The following STAU2 variants were observed in gnomAD, a reference collection of about 807,000 sequenced individuals.
STAU2 encodes staufen double-stranded RNA binding protein 2, also known as double-stranded RNA-binding protein Staufen homolog 2.
Under a neutral mutation model 65.9 loss-of-function variants are expected in STAU2, and 20 were observed. That is an observed-to-expected ratio of 0.30 (90% confidence interval 0.21 to 0.44). The LOEUF is 0.44. Ranked by LOEUF, STAU2 falls within the 20% of genes least tolerant of loss-of-function variation. The pLI is 1.00. For synonymous variants in STAU2, 232 were observed against 233.9 expected, an observed-to-expected ratio of 0.99 and a Z score of 0.07; for missense variants, 558 against 683.9, an observed-to-expected ratio of 0.82 and a Z score of 2.05.
intron 13 of STAU2, among the ~76,000 whole-genome samples, chr8:73,489,685 C>G (rs1176246585): frequency 6.6e-6 from 1 of 152,040 alleles, no homozygotes; most frequent in African/African-American, 2.4e-5. Context: ...ACCATTTGCT[C>G]TAAAGCAGCT....
chr8:73,582,881 AAG>A, intron 11 of STAU2, 51 bp from the exon 12 acceptor site: 1 of 1,560,008 alleles, frequency 6.4e-7, no homozygotes, highest in South Asian at 1.2e-5. Flanking sequence ...CTTATTCAAA[AAG>A]AAAAAAAAAA....
At chr8:73,544,058 A>G (rs1260273145) in intron 13 of STAU2, among the ~76,000 whole-genome samples, 1 of 152,206 alleles carries the variant, frequency 6.6e-6, no homozygotes, top group Admixed American at 6.5e-5. Flanking sequence ...TTGCCTAAAC[A>G]TCTCACACTC....
intron 4 of STAU2, among the ~76,000 whole-genome samples, chr8:73,705,021 A>G (rs1280593449): frequency 6.6e-6 from 1 of 152,154 alleles, no homozygotes; most frequent in Non-Finnish European, 1.5e-5. Context: ...CATGATATGC[A>G]CCTTATTTAT....
intron 13 of STAU2, among the ~76,000 whole-genome samples, chr8:73,513,185 TTTC>T (rs1323047613): frequency 2.0e-5 from 3 of 152,206 alleles, no homozygotes; most frequent in Non-Finnish European, 4.4e-5. Context: ...TTGCTGTGGT[TTTC>T]TTTTTTTGTT....
intron 1 of STAU2, among the ~76,000 whole-genome samples, chr8:73,741,261 C>T (rs1180285067): frequency 7.2e-6 from 1 of 139,492 alleles, no homozygotes; most frequent in South Asian, 2.4e-4. Flanking sequence ...GCCAAGATCG[C>T]GCCACTGCAC....
intron 13 of STAU2, among the ~76,000 whole-genome samples, chr8:73,501,974 T>C (rs1000916688): frequency 1.3e-5 from 2 of 151,950 alleles, no homozygotes; most frequent in African/African-American, 4.8e-5. Flanking sequence ...GGAGTGTGTG[T>C]GCAGAACTAG....
intron 3 of STAU2, among the ~76,000 whole-genome samples, chr8:73,728,355 T>G (rs1394850310): frequency 6.6e-6 from 1 of 151,938 alleles, no homozygotes. Flanking sequence ...GTTTCTTAAT[T>G]GGGAAATATG....
chr8:73,490,206 A>G (rs570195160), intron 13 of STAU2, among the ~76,000 whole-genome samples: 17 of 152,168 alleles, frequency 1.1e-4, no homozygotes, highest in African/African-American at 3.8e-4. Flanking sequence ...GGAGCTTCGC[A>G]TAAGATTTCA....
At chr8:73,575,250 C>G (rs1332203664) in intron 12 of STAU2, among the ~76,000 whole-genome samples, 2 of 152,018 alleles carry the variant, frequency 1.3e-5, no homozygotes, top group Non-Finnish European at 2.9e-5. Flanking sequence ...AATACATAGT[C>G]TCATTCTTAA....
chr8:73,646,938 G>GAC (rs142043134), intron 6 of STAU2, among the ~76,000 whole-genome samples: 64,142 of 143,894 alleles, frequency 0.45, 15,158 homozygotes, highest in Non-Finnish European at 0.56. Flanking sequence ...CACACAGCCA[G>GAC]ACACACACAC....
intron 3 of STAU2, among the ~76,000 whole-genome samples, chr8:73,717,060 C>T (rs891721158): frequency 3.3e-5 from 5 of 152,090 alleles, no homozygotes; most frequent in African/African-American, 1.2e-4. Context: ...CAAGAAGGTA[C>T]CACTGCACTC....
intron 9 of STAU2, among the ~76,000 whole-genome samples, chr8:73,607,019 G>T (rs933708056): frequency 1.3e-5 from 2 of 152,116 alleles, no homozygotes; most frequent in African/African-American, 4.8e-5. Flanking sequence ...TTACAAAGGG[G>T]CATAAGGAAA....
At chr8:73,622,636 T>C (rs144766260) in intron 6 of STAU2, among the ~76,000 whole-genome samples, 7 of 152,344 alleles carry the variant, frequency 4.6e-5, no homozygotes, top group Admixed American at 2.6e-4. Context: ...TTTTTGTTTA[T>C]TAAATTGTCT....
At chr8:73,578,277 C>T (rs1586047214) in intron 12 of STAU2, among the ~76,000 whole-genome samples, 1 of 152,132 alleles carries the variant, frequency 6.6e-6, no homozygotes, top group African/African-American at 2.4e-5. Context: ...TAAAAACTTA[C>T]TCTCTAATTT....
chr8:73,533,172 TG>T (rs1409596892), intron 13 of STAU2, among the ~76,000 whole-genome samples: 1 of 152,214 alleles, frequency 6.6e-6, no homozygotes, highest in Non-Finnish European at 1.5e-5. Flanking sequence ...TTGCTGCCTT[TG>T]GTACTCTAAA....
At chr8:73,464,600 G>GCGCA (rs1554593348) in intron 13 of STAU2, among the ~76,000 whole-genome samples, 11 of 101,886 alleles carry the variant, frequency 1.1e-4, no homozygotes, top group Non-Finnish European at 1.9e-4. Flanking sequence ...GTGTGCACGC[G>GCGCA]CACACACACA....
At chr8:73,494,977 C>T (rs971746477) in intron 13 of STAU2, among the ~76,000 whole-genome samples, 2 of 151,574 alleles carry the variant, frequency 1.3e-5, no homozygotes, top group Non-Finnish European at 3.0e-5. Flanking sequence ...CCCAGAAGGT[C>T]ATGTGTAATT....
At chr8:73,654,637 C>CAAAAAAAAAAAAAAAAAAAAAAAAAAAAA (rs71269928) in intron 6 of STAU2, among the ~76,000 whole-genome samples, 4 of 26,310 alleles carry the variant, frequency 1.5e-4, no homozygotes, top group Non-Finnish European at 2.6e-4. Context: ...AAGATTGTCT[C>CAAAAAAAAAAAAAAAAAAAAAAAAAAAAA]AAAAAAAAAA....
At chr8:73,633,316 T>C (rs1814240254) in intron 6 of STAU2, among the ~76,000 whole-genome samples, 2 of 152,286 alleles carry the variant, frequency 1.3e-5, no homozygotes, top group South Asian at 2.1e-4. Context: ...CAAATGAAGA[T>C]AGAGTGGCTC....
Sources: allele counts gnomAD v4.1 joint callset (sites outside exome capture counted in the v4.1 genomes callset), GRCh38; gene constraint gnomAD v4.1.1; transcripts MANE v1.5; gene names NCBI Gene and HGNC (gene_info 2026-07-23, HGNC 2026-07-21).